Variants in VMA12 observed in about 807,000 individuals in gnomAD.
VMA12 encodes the protein vacuolar ATPase assembly factor VMA12, also known as vacuolar ATPase assembly protein VMA12.
the VMA12 span, chr17:28,359,284 T>C: frequency 6.2e-7 from 1 of 1,610,404 alleles, no homozygotes; most frequent in Middle Eastern, 1.7e-4. Context: ...GCTGGGAATA[T>C]CATTCTTCTC....
At chr17:28,360,546 G>A in the VMA12 span, 2 of 1,614,048 alleles carry the variant, frequency 1.2e-6, no homozygotes, top group East Asian at 2.2e-5. Context: ...GACATGGTGG[G>A]ACTCTCAGCG....
At chr17:28,358,500 G>A in the VMA12 span, 2 of 473,642 alleles carry the variant, frequency 4.2e-6, no homozygotes, top group Non-Finnish European at 8.7e-6. Flanking sequence ...AGACCAGCCA[G>A]AAGTGCAAAG....
chr17:28,357,694 C>T, the VMA12 span: 2 of 1,612,648 alleles, frequency 1.2e-6, no homozygotes, highest in Non-Finnish European at 1.7e-6. Flanking sequence ...TGCTTGCGGG[C>T]GAGCGATTGG....
At chr17:28,360,137 T>A in the VMA12 span, 1 of 176,176 alleles carries the variant, frequency 5.7e-6, no homozygotes, top group Admixed American at 5.5e-5. Context: ...CAGGCTAATT[T>A]TTTGTATTTT....
the VMA12 span, chr17:28,357,693 G>A: frequency 6.2e-7 from 1 of 1,612,714 alleles, no homozygotes; most frequent in East Asian, 2.2e-5. Context: ...TTGCTTGCGG[G>A]CGAGCGATTG....
At chr17:28,358,811 T>C in the VMA12 span, 1 of 830,332 alleles carries the variant, frequency 1.2e-6, no homozygotes, top group Non-Finnish European at 1.9e-6. Flanking sequence ...AATGTAGAGA[T>C]GGCCCTGTTT....
At chr17:28,360,447 A>G in the VMA12 span, 6 of 1,179,700 alleles carry the variant, frequency 5.1e-6, no homozygotes, top group African/African-American at 1.5e-4. Context: ...ATGTTGGGGA[A>G]TAGAGAGGGC....
At chr17:28,359,541 C>G in the VMA12 span, 4 of 704,928 alleles carry the variant, frequency 5.7e-6, 1 homozygote, top group Non-Finnish European at 9.3e-6. Flanking sequence ...AGTCTGCATA[C>G]AAACAACACA....
chr17:28,358,427 C>T, the VMA12 span: 1 of 472,094 alleles, frequency 2.1e-6, no homozygotes, highest in African/African-American at 2.0e-5. Context: ...CCTCAGTTCC[C>T]TTATGTGTAA....
At chr17:28,360,305 C>T in the VMA12 span, 2 of 497,632 alleles carry the variant, frequency 4.0e-6, no homozygotes, top group Non-Finnish European at 3.7e-6. Flanking sequence ...CTATGGCATG[C>T]TCCTACCCTG....
chr17:28,359,225 A>G, the VMA12 span: 3 of 1,353,980 alleles, frequency 2.2e-6, no homozygotes, highest in Admixed American at 1.8e-5. Flanking sequence ...TGATACCTTT[A>G]GCAGTGCTTT....
At chr17:28,358,994 G>C in the VMA12 span, 2 of 1,609,222 alleles carry the variant, frequency 1.2e-6, no homozygotes, top group Non-Finnish European at 1.7e-6. Flanking sequence ...CCACGGGTAT[G>C]TAAGGGATAT....
chr17:28,359,941 G>A, the VMA12 span, among the ~76,000 whole-genome samples: 1 of 151,586 alleles, frequency 6.6e-6, no homozygotes, highest in East Asian at 1.9e-4. Flanking sequence ...ATAAATAAGT[G>A]GGAATGAATC....
At chr17:28,361,566 C>T in the VMA12 span, 1 of 300,216 alleles carries the variant, frequency 3.3e-6, no homozygotes, top group Non-Finnish European at 6.3e-6. Context: ...AGGGTTTTTC[C>T]ATCAGGAGCA....
chr17:28,362,007 G>A, the VMA12 span: 5 of 152,176 alleles, frequency 3.3e-5, no homozygotes, highest in Non-Finnish European at 7.3e-5. Context: ...TCTGTATAAC[G>A]CATTGAAAAG....
chr17:28,359,901 G>A, the VMA12 span, among the ~76,000 whole-genome samples: 2,020 of 152,088 alleles, frequency 0.013, 42 homozygotes, highest in African/African-American at 0.046. Flanking sequence ...ACAAGAGCAA[G>A]ACTCCATCTC....
the VMA12 span, chr17:28,357,810 G>C: frequency 6.2e-7 from 1 of 1,614,112 alleles, no homozygotes; most frequent in Non-Finnish European, 8.5e-7. Context: ...GGCGGTGATA[G>C]CTCCAGTGGC....
At chr17:28,359,098 C>A in the VMA12 span, 13 of 1,148,604 alleles carry the variant, frequency 1.1e-5, no homozygotes, top group Non-Finnish European at 1.6e-5. Context: ...TTTTTGAAAT[C>A]TTTGGGATCT....
the VMA12 span, chr17:28,357,839 T>C: frequency 6.2e-7 from 1 of 1,613,958 alleles, no homozygotes; most frequent in East Asian, 2.2e-5. Context: ...CTTGGTTTCT[T>C]TCCGTCTCAT....
Sources: gnomAD v4.1 joint callset for allele counts (sites outside exome capture counted in the v4.1 genomes callset) on GRCh38, gnomAD v4.1.1 for gene constraint, MANE v1.5 for transcripts, NCBI Gene and HGNC (gene_info 2026-07-23, HGNC 2026-07-21) for gene names.